Variants in DAW1 observed in about 807,000 individuals in gnomAD.
DAW1 encodes dynein assembly factor with WD repeat domains 1.
Under a neutral mutation model 56.5 loss-of-function variants are expected in DAW1, and 47 were observed. The ratio of observed to expected loss-of-function variants is 0.83; its 90% confidence interval spans 0.66 to 1.06. The LOEUF is 1.06. DAW1 is among the 50% of genes least tolerant of loss of function. The probability of loss-of-function intolerance (pLI) is 0.00; values close to 1 mark genes in which losing one functional copy is unlikely to be tolerated. For missense variants in DAW1, 505 were observed against 499.3 expected (o/e 1.01, Z -0.11); for synonymous variants, 190 against 179.0 (o/e 1.06, Z -0.49).
chr2:227,908,489 T>G (rs970978365), intron 10 of DAW1, among the ~76,000 whole-genome samples: 4 of 152,344 alleles, frequency 2.6e-5, no homozygotes, highest in Non-Finnish European at 4.4e-5. Context: ...TTTATGATAC[T>G]GAACAACAAG....
At chr2:227,907,441 G>A (rs1354608141) in intron 10 of DAW1, among the ~76,000 whole-genome samples, 189 bp downstream of exon 10, 1 of 152,154 alleles carries the variant, frequency 6.6e-6, no homozygotes, top group Non-Finnish European at 1.5e-5. Flanking sequence ...CACATGTAAT[G>A]TTATGCAATG....
intron 2 of DAW1, 126 bp from the exon 3 acceptor site, chr2:227,889,730 G>C: frequency 1.3e-6 from 1 of 752,376 alleles, no homozygotes; most frequent in South Asian, 3.3e-5. Flanking sequence ...TCTTGGGAAA[G>C]ATAATGGTGT....
intron 2 of DAW1, among the ~76,000 whole-genome samples, chr2:227,887,038 C>T (rs773985307): frequency 7.2e-5 from 11 of 152,126 alleles, no homozygotes; most frequent in Non-Finnish European, 1.3e-4. Context: ...GAGAGGGGCT[C>T]TCTTAATCCT....
intron 1 of DAW1, among the ~76,000 whole-genome samples, chr2:227,880,423 G>T (rs1690983660): frequency 1.3e-5 from 2 of 149,454 alleles, no homozygotes; most frequent in African/African-American, 2.5e-5. Context: ...GTACTGGTTG[G>T]CTCTCCACAG....
At chr2:227,892,325 G>T (rs1421258437) in intron 4 of DAW1, among the ~76,000 whole-genome samples, 1 of 152,002 alleles carries the variant, frequency 6.6e-6, no homozygotes, top group African/African-American at 2.4e-5. Context: ...GCAGAGACGG[G>T]GTTTCTCCAT....
chr2:227,902,279 T>G (rs1691564475), intron 6 of DAW1, among the ~76,000 whole-genome samples: 1 of 152,112 alleles, frequency 6.6e-6, no homozygotes, highest in Non-Finnish European at 1.5e-5. Flanking sequence ...AAGTTAATGT[T>G]AGCAGTTGGT....
intron 2 of DAW1, among the ~76,000 whole-genome samples, chr2:227,885,977 T>G (rs1691121190): frequency 7.5e-6 from 1 of 133,340 alleles, no homozygotes. Flanking sequence ...TTTCTTTCCT[T>G]TTTTTTTTTT....
intron 1 of DAW1, among the ~76,000 whole-genome samples, chr2:227,882,101 G>A (rs765714107): frequency 6.6e-6 from 1 of 152,108 alleles, no homozygotes; most frequent in Non-Finnish European, 1.5e-5. Flanking sequence ...AGTAAATAGA[G>A]TGTTTTGGCA....
intron 10 of DAW1, among the ~76,000 whole-genome samples, chr2:227,910,549 T>A (rs1211365708): frequency 6.7e-6 from 1 of 148,432 alleles, no homozygotes; most frequent in Non-Finnish European, 1.5e-5. Flanking sequence ...GACAGCCATA[T>A]GTGGTGTTAC....
chr2:227,879,609 C>T (rs17283191), intron 1 of DAW1, among the ~76,000 whole-genome samples: 311 of 151,890 alleles, frequency 2.0e-3, no homozygotes, highest in African/African-American at 7.0e-3. Flanking sequence ...AAGGTGATTA[C>T]AGGCACTAAG....
In DAW1 at chr2:227,883,987, T is replaced by A. The variant is rs78061785; in HGVS notation, c.41-1364T>A. Reference sequence around the variant, plus strand: ...TGATCCTGAAGCCAAATTTTTGAGATGTACTAGTTTATATCCACAGGCAGA... The same window carrying A: ...TGATCCTGAAGCCAAATTTTTGAGAAGTACTAGTTTATATCCACAGGCAGA... On this transcript the variant is annotated intron_variant, in intron 1 of 12. Transcript: ENST00000309931. 4.5e-3 allele frequency among the ~76,000 whole-genome samples: 678 copies of A among 152,250 alleles called. 4 individuals carry two copies. The highest frequency in any genetic ancestry group is 7.2e-3 in the Non-Finnish European group (491 of 68,004).
rs115798239 is a variant in DAW1, at chr2:227,879,207, G to A, written c.41-6144G>A. 1.6e-3 allele frequency among the ~76,000 whole-genome samples: 242 copies of A among 152,292 alleles called. 1 individual carries two copies. Among genetic ancestry groups the A allele is most frequent in the African/African-American group, 5.4e-3 (225 of 41,550 alleles). Reference sequence around the variant, plus strand: ...TGCCTTGAAAGGAGCCACCTAACACGTGACAGTGCCTGTGTCTTCAAGCTG... The same window carrying A: ...TGCCTTGAAAGGAGCCACCTAACACATGACAGTGCCTGTGTCTTCAAGCTG... On this transcript the variant is annotated intron_variant, in intron 1 of 12. Transcript: ENST00000309931.
chr2:227,876,057 C>T (rs1048629966), intron 1 of DAW1, among the ~76,000 whole-genome samples: 4 of 151,750 alleles, frequency 2.6e-5, no homozygotes, highest in Non-Finnish European at 5.9e-5. Flanking sequence ...GCTCTGTCAC[C>T]CAGGCTGTAG....
chr2:227,897,819 T>C (rs987427281), intron 5 of DAW1, among the ~76,000 whole-genome samples: 8 of 152,316 alleles, frequency 5.3e-5, no homozygotes, highest in Non-Finnish European at 8.8e-5. Flanking sequence ...TTCTTTTCCA[T>C]ATACTTATTA....
rs188137323 is a variant in DAW1 at position 227,911,091 on chromosome 2, A to C, written c.973+3839A>C. Among the ~76,000 whole-genome samples the C allele has an allele frequency of 2.8e-3, 429 of 151,850 alleles. 1 individual carries two copies. Among genetic ancestry groups the C allele is most frequent in the Non-Finnish European group, 4.4e-3 (299 of 67,914 alleles). On this transcript the variant is annotated intron_variant, in intron 10 of 12. Transcript: ENST00000309931. ...TTTGAGCCATATCCTTGACAATTGTATATGAAGCTATACTATGTCTCATCA... is the reference window on the plus strand; with the variant it reads ...TTTGAGCCATATCCTTGACAATTGTCTATGAAGCTATACTATGTCTCATCA...
At chr2:227,923,584 T>A (rs1692157453) in intron 12 of DAW1, among the ~76,000 whole-genome samples, 1 of 152,060 alleles carries the variant, frequency 6.6e-6, no homozygotes, top group Admixed American at 6.5e-5. Context: ...ATATTCAAAG[T>A]TGCTGTATTT....
intron 4 of DAW1, among the ~76,000 whole-genome samples, chr2:227,893,029 G>A (rs1559306028): frequency 6.6e-6 from 1 of 151,978 alleles, no homozygotes; most frequent in Admixed American, 6.6e-5. Flanking sequence ...CAGCACTTTG[G>A]GAGGCCGAGG....
rs1160336791 is a variant in DAW1, at chr2:227,902,878, TG to T, written c.541-120del. On this transcript the variant is annotated intron_variant, in intron 6 of 12. Coordinates refer to ENST00000309931, the MANE Select transcript of DAW1 (RefSeq NM_178821.3). ...CTGGGGGTAGCAGGTCACACATACG[TG>T]GGGTTTTGTACAAAGAATTAGATGG... The T allele has an allele frequency of 3.8e-5, 36 of 955,748 alleles. 1 individual carries two copies. In the Middle Eastern group the frequency reaches 8.8e-4, roughly 23 times the overall value. 59.2% of individuals were successfully genotyped at this position (955,748 alleles called of 1,614,324 possible). A position where few individuals can be genotyped will look rare whatever the true frequency, so the allele number is the denominator to read the frequency against.
chr2:227,902,058 T>C (rs1354091747), intron 6 of DAW1, among the ~76,000 whole-genome samples: 1 of 150,738 alleles, frequency 6.6e-6, no homozygotes. Flanking sequence ...TGAGGAGGGG[T>C]GAGGATGGAA....
Sources: allele counts gnomAD v4.1 joint callset (sites outside exome capture counted in the v4.1 genomes callset), GRCh38; gene constraint gnomAD v4.1.1; transcripts MANE v1.5; gene names NCBI Gene and HGNC (gene_info 2026-07-23, HGNC 2026-07-21).